BCL2: variants seen among roughly 807,000 people sequenced by gnomAD.
The protein encoded by BCL2 is BCL2 apoptosis regulator, also known as apoptosis regulator Bcl-2.
A neutral mutation model predicts 14.2 loss-of-function variants in BCL2; 1 was observed. The ratio of observed to expected loss-of-function variants is 0.07; its 90% confidence interval spans 0.02 to 0.33. The LOEUF is 0.33. Among genes scored for constraint, BCL2 ranks in the 10% least tolerant of loss-of-function variants. BCL2 has a pLI of 0.99. For missense variants in BCL2, 247 were observed against 305.9 expected, an observed-to-expected ratio of 0.81 and a Z score of 1.44; for synonymous variants, 151 against 137.2, an observed-to-expected ratio of 1.10 and a Z score of -0.70.
intron 2 of BCL2, among the ~76,000 whole-genome samples, chr18:63,257,234 CAG>C (rs1911505438): frequency 6.6e-6 from 1 of 152,174 alleles, no homozygotes; most frequent in South Asian, 2.1e-4. Flanking sequence ...TAAAAACTCA[CAG>C]AGAGACCCAT....
At chr18:63,186,514 A>G (rs1480297443) in intron 2 of BCL2, among the ~76,000 whole-genome samples, 1 of 152,128 alleles carries the variant, frequency 6.6e-6, no homozygotes, top group Non-Finnish European at 1.5e-5. Context: ...ACCATATATT[A>G]TTTTCTGGCC....
At chr18:63,310,443 A>G (rs181319644) in intron 2 of BCL2, among the ~76,000 whole-genome samples, 12 of 152,238 alleles carry the variant, frequency 7.9e-5, no homozygotes, top group African/African-American at 2.9e-4. Flanking sequence ...ACTTGTCTCA[A>G]CATTATCTCC....
At chr18:63,295,842 A>G (rs575309260) in intron 2 of BCL2, among the ~76,000 whole-genome samples, 34 of 152,094 alleles carry the variant, frequency 2.2e-4, no homozygotes, top group Non-Finnish European at 4.1e-4. Context: ...TCCATCCCTC[A>G]AGGACTAAAC....
At chr18:63,183,937 T>C (rs1307766599) in intron 2 of BCL2, among the ~76,000 whole-genome samples, 1 of 152,120 alleles carries the variant, frequency 6.6e-6, no homozygotes, top group African/African-American at 2.4e-5. Context: ...CATTATGCTG[T>C]GGAAGGAGCC....
At chr18:63,169,411 C>CTTTCTTTT (rs1568222842) in intron 2 of BCL2, among the ~76,000 whole-genome samples, 4 of 73,448 alleles carry the variant, frequency 5.4e-5, no homozygotes, top group African/African-American at 1.0e-4. Context: ...CTTTTTCTTT[C>CTTTCTTTT]TCTCTCTCTC....
chr18:63,171,849 C>T (rs931721627), intron 2 of BCL2, among the ~76,000 whole-genome samples: 7 of 152,098 alleles, frequency 4.6e-5, no homozygotes, highest in African/African-American at 1.4e-4. Flanking sequence ...GGAGTGGTGG[C>T]ACAGGCCTGT....
At chr18:63,239,064 A>T (rs1365661720) in intron 2 of BCL2, among the ~76,000 whole-genome samples, 5 of 152,192 alleles carry the variant, frequency 3.3e-5, no homozygotes, top group African/African-American at 9.7e-5. Context: ...CATTTAAATT[A>T]CCTGATTGGG....
In BCL2 at chr18:63,318,051, A is replaced by G. The variant is rs748213542; in HGVS notation, c.585+31T>C. The G allele has an allele frequency of 6.8e-6, 11 of 1,608,898 alleles. No homozygotes were observed. The East Asian group carries it at 2.5e-4, about 36-fold the overall frequency. ...CCCCGCATCTCGGACCTGTGGCCTCAGCCCAGACTCACATCACCAAGTGCA... is the reference window on the plus strand; with the variant it reads ...CCCCGCATCTCGGACCTGTGGCCTCGGCCCAGACTCACATCACCAAGTGCA... On this transcript the variant is annotated intron_variant, in intron 2 of 2. Coordinates refer to ENST00000333681, the MANE Select transcript of BCL2 (RefSeq NM_000633.3). This position sits in a 1 kb window ranked among gnomAD's most constrained non-coding sequence, Gnocchi z 7.4.
chr18:63,142,534 A>G lies in BCL2; in HGVS notation c.586-13775T>C, dbSNP rs147667807. On this transcript the variant is annotated intron_variant, in intron 2 of 2. Coordinates refer to ENST00000333681, the MANE Select transcript of BCL2 (RefSeq NM_000633.3). ...AAACTTCACAGCCTGCTTACATCCC[A>G]CTCAAAAGCACCCCAACGTATAATA... 3.8e-3 allele frequency among the ~76,000 whole-genome samples: 583 copies of G among 152,248 alleles called. 3 individuals are homozygous for G. The highest frequency in any genetic ancestry group is 0.013 in the African/African-American group (537 of 41,536).
At chr18:63,315,049 T>C (rs1745694045) in intron 2 of BCL2, 1 of 152,186 alleles carries the variant, frequency 6.6e-6, no homozygotes, top group African/African-American at 2.4e-5. Context: ...CCATCCCAGG[T>C]AGCAACTCTT....
chr18:63,139,713 T>G (rs1914305596), intron 2 of BCL2, among the ~76,000 whole-genome samples: 1 of 152,218 alleles, frequency 6.6e-6, no homozygotes, highest in African/African-American at 2.4e-5. Flanking sequence ...GTGTTTTGGC[T>G]TTAAAACGAA....
At chr18:63,161,982 T>C (rs1305321294) in intron 2 of BCL2, 3 of 152,230 alleles carry the variant, frequency 2.0e-5, no homozygotes, top group Non-Finnish European at 4.4e-5. Context: ...TCTATAGATG[T>C]GTAAACCAAA....
chr18:63,210,562 T>C (rs981488191), intron 2 of BCL2, among the ~76,000 whole-genome samples: 1 of 152,218 alleles, frequency 6.6e-6, no homozygotes, highest in African/African-American at 2.4e-5. Context: ...ATATATTAAT[T>C]TAAAAATCTG....
chr18:63,158,740 A>G (rs1224478071), intron 2 of BCL2, among the ~76,000 whole-genome samples: 1 of 152,254 alleles, frequency 6.6e-6, no homozygotes, highest in African/African-American at 2.4e-5. Context: ...CAAAATGCCA[A>G]GAGAAATTTA....
chr18:63,230,023 A>G (rs919225684), intron 2 of BCL2, among the ~76,000 whole-genome samples: 1 of 152,190 alleles, frequency 6.6e-6, no homozygotes, highest in African/African-American at 2.4e-5. Flanking sequence ...GAAATAAGGC[A>G]TTATACAAGC....
chr18:63,269,436 G>A (rs1348628558), intron 2 of BCL2, among the ~76,000 whole-genome samples: 1 of 152,022 alleles, frequency 6.6e-6, no homozygotes, highest in Non-Finnish European at 1.5e-5. Context: ...ACCTTTCTCT[G>A]TTGAGGGACG....
intron 2 of BCL2, among the ~76,000 whole-genome samples, chr18:63,178,660 T>A (rs1915406434): frequency 6.6e-6 from 1 of 152,102 alleles, no homozygotes; most frequent in Non-Finnish European, 1.5e-5. Context: ...GTCTGATGGA[T>A]GTTGCAACAC....
chr18:63,236,084 A>G (rs527963725), intron 2 of BCL2, among the ~76,000 whole-genome samples: 4 of 152,246 alleles, frequency 2.6e-5, no homozygotes, highest in African/African-American at 9.6e-5. Flanking sequence ...CGTATATTGA[A>G]TAAGTCTCAC....
At chr18:63,251,384 G>A (rs1911309530) in intron 2 of BCL2, among the ~76,000 whole-genome samples, 1 of 152,050 alleles carries the variant, frequency 6.6e-6, no homozygotes, top group South Asian at 2.1e-4. Flanking sequence ...AAGAAAAAGA[G>A]TGACTACCCA....
Sources: allele counts gnomAD v4.1 joint callset (sites outside exome capture counted in the v4.1 genomes callset), GRCh38; gene constraint gnomAD v4.1.1; non-coding constraint Gnocchi (gnomAD v3.1); transcripts MANE v1.5; gene names NCBI Gene and HGNC (gene_info 2026-07-23, HGNC 2026-07-21).